Variants in RARB observed in about 807,000 individuals in gnomAD.
RARB encodes retinoic acid receptor beta.
Under a neutral mutation model 51.9 loss-of-function variants are expected in RARB, and 17 were observed. The observed-to-expected ratio is 0.33, with a 90% CI of 0.22 to 0.49. RARB has a LOEUF of 0.49. Among genes scored for constraint, RARB ranks in the 20% least tolerant of loss-of-function variants. The pLI, the probability that RARB is intolerant of heterozygous loss-of-function variation, is 0.99. For missense variants in RARB, 369 were observed against 550.8 expected (o/e 0.67, Z 3.30); for synonymous variants, 215 against 195.4 (o/e 1.10, Z -0.84).
intron 2 of RARB, among the ~76,000 whole-genome samples, chr3:24,977,998 T>C (rs1021087283): frequency 1.3e-5 from 2 of 152,224 alleles, no homozygotes; most frequent in African/African-American, 4.8e-5. Flanking sequence ...CTTTTCTGCA[T>C]TGATTGAGAT....
chr3:25,329,107 G>C (rs1575316394), intron 5 of RARB, among the ~76,000 whole-genome samples: 1 of 152,336 alleles, frequency 6.6e-6, no homozygotes, highest in East Asian at 1.9e-4. Context: ...GCAGGGCATA[G>C]ATGAACAAAA....
intron 3 of RARB, among the ~76,000 whole-genome samples, chr3:25,070,256 C>T (rs1185987735): frequency 6.6e-6 from 1 of 152,186 alleles, no homozygotes; most frequent in Admixed American, 6.5e-5. Context: ...AGTGTTATCT[C>T]ATCTGAACTA....
chr3:25,348,238 A>G (rs990348502), intron 5 of RARB, among the ~76,000 whole-genome samples: 2 of 152,168 alleles, frequency 1.3e-5, no homozygotes, highest in Non-Finnish European at 2.9e-5. Flanking sequence ...GGTTTCTTTT[A>G]AACTATATAA....
chr3:24,996,981 A>G (rs1283987874), intron 2 of RARB, among the ~76,000 whole-genome samples: 2 of 152,296 alleles, frequency 1.3e-5, no homozygotes, highest in African/African-American at 4.8e-5. Context: ...CATTTGGTCT[A>G]TAATATAGTT....
At chr3:25,182,196 A>G (rs1575201780) in intron 5 of RARB, among the ~76,000 whole-genome samples, 2 of 152,350 alleles carry the variant, frequency 1.3e-5, no homozygotes, top group Admixed American at 1.3e-4. Flanking sequence ...TGAATGAGTG[A>G]ATGAATGAAT....
intron 2 of RARB, among the ~76,000 whole-genome samples, chr3:25,015,177 T>C (rs1333536037): frequency 6.6e-6 from 1 of 152,170 alleles, no homozygotes; most frequent in East Asian, 1.9e-4. Flanking sequence ...CCTATATATT[T>C]GATGGTGTGA....
chr3:25,290,980 C>T (rs553807521), intron 5 of RARB, among the ~76,000 whole-genome samples: 2 of 152,172 alleles, frequency 1.3e-5, no homozygotes, highest in African/African-American at 2.4e-5. Flanking sequence ...TGAGCTTGCT[C>T]ACATGATAGG....
intron 2 of RARB, among the ~76,000 whole-genome samples, chr3:24,861,074 G>A (rs1702740491): frequency 6.6e-6 from 1 of 152,178 alleles, no homozygotes; most frequent in Non-Finnish European, 1.5e-5. Context: ...GTTGACCACT[G>A]AGGGTTTTCA....
At chr3:24,982,142 G>C (rs1425093159) in intron 2 of RARB, among the ~76,000 whole-genome samples, 3 of 152,184 alleles carry the variant, frequency 2.0e-5, no homozygotes, top group Non-Finnish European at 4.4e-5. Flanking sequence ...TCTGCAGCTG[G>C]TGGGACTTGT....
chr3:25,320,570 T>C (rs1704543438), intron 5 of RARB, among the ~76,000 whole-genome samples: 1 of 152,192 alleles, frequency 6.6e-6, no homozygotes, highest in African/African-American at 2.4e-5. Context: ...TTTCTTGCAT[T>C]TTACTTTGTT....
At chr3:25,536,328 C>G (rs1169921376) in intron 3 of RARB, among the ~76,000 whole-genome samples, 1 of 152,194 alleles carries the variant, frequency 6.6e-6, no homozygotes, top group Non-Finnish European at 1.5e-5. Flanking sequence ...TAATATTTGT[C>G]ATGCTAAAGA....
intron 5 of RARB, among the ~76,000 whole-genome samples, chr3:25,253,351 C>T (rs187944000): frequency 6.6e-4 from 101 of 152,258 alleles, no homozygotes; most frequent in Non-Finnish European, 1.3e-3. Context: ...GAAAATTTTA[C>T]TATTCTGGGA....
intron 2 of RARB, among the ~76,000 whole-genome samples, chr3:24,881,707 A>C (rs1703169806): frequency 6.6e-6 from 1 of 152,224 alleles, no homozygotes; most frequent in South Asian, 2.1e-4. Flanking sequence ...ATATGGAACC[A>C]ACCCAAGAAT....
chr3:25,001,591 C>T (rs1339024876), intron 2 of RARB, among the ~76,000 whole-genome samples: 1 of 152,158 alleles, frequency 6.6e-6, no homozygotes, highest in Non-Finnish European at 1.5e-5. Context: ...AGAAGATCAG[C>T]TCTTAGCCAC....
At chr3:25,271,310 T>G (rs753916257) in intron 5 of RARB, among the ~76,000 whole-genome samples, 19 of 152,170 alleles carry the variant, frequency 1.2e-4, no homozygotes, top group Admixed American at 2.0e-4. Flanking sequence ...ATATAAATAA[T>G]AGTGTGCTAA....
intron 5 of RARB, among the ~76,000 whole-genome samples, chr3:25,363,989 T>A (rs1706034554): frequency 6.6e-6 from 1 of 152,204 alleles, no homozygotes; most frequent in Admixed American, 6.5e-5. Flanking sequence ...TGCTCAAACA[T>A]CTTCTTAGTA....
At chr3:24,996,426 C>A (rs1266926611) in intron 2 of RARB, among the ~76,000 whole-genome samples, 1 of 151,640 alleles carries the variant, frequency 6.6e-6, no homozygotes, top group African/African-American at 2.4e-5. Flanking sequence ...TTTTATTGAT[C>A]CTTTGGATTG....
At chr3:24,980,105 C>A (rs1046624813) in intron 2 of RARB, among the ~76,000 whole-genome samples, 3 of 152,154 alleles carry the variant, frequency 2.0e-5, no homozygotes, top group Non-Finnish European at 4.4e-5. Context: ...CCCCCACTCT[C>A]GTCTTGTTTG....
At chr3:25,575,720 G>A (rs142987097) in intron 4 of RARB, among the ~76,000 whole-genome samples, 192 of 151,972 alleles carry the variant, frequency 1.3e-3, no homozygotes, top group African/African-American at 4.4e-3. Flanking sequence ...ACTGGATTAG[G>A]GCCCACCCTA....
Sources: allele counts gnomAD v4.1 joint callset (sites outside exome capture counted in the v4.1 genomes callset), GRCh38; gene constraint gnomAD v4.1.1; transcripts MANE v1.5; gene names NCBI Gene and HGNC (gene_info 2026-07-23, HGNC 2026-07-21).